Variants in CNTNAP3B observed in about 807,000 individuals in gnomAD.
CNTNAP3B encodes the protein contactin-associated protein-like 3B.
In CNTNAP3B, 25 loss-of-function variants were observed where a neutral mutation model predicts 108.9. That is an observed-to-expected ratio of 0.23 (90% CI 0.17 to 0.32). The LOEUF (loss-of-function observed/expected upper bound fraction) is 0.32, where lower values mean the gene tolerates loss of function less well. CNTNAP3B is among the 10% of genes least tolerant of loss of function. The pLI is 1.00. For missense variants in CNTNAP3B, 252 were observed against 1,210.4 expected (o/e 0.21, Z 11.75); for synonymous variants, 103 against 473.4 (o/e 0.22, Z 10.16).
intron 13 of CNTNAP3B, among the ~76,000 whole-genome samples, chr9:41,939,487 C>T (rs1264155812): frequency 6.8e-6 from 1 of 146,444 alleles, no homozygotes; most frequent in African/African-American, 2.6e-5. Flanking sequence ...CTATCACCTG[C>T]CCCTCTGCCA....
At chr9:42,079,396 T>A (rs1258759173) in intron 2 of CNTNAP3B, among the ~76,000 whole-genome samples, 1 of 133,196 alleles carries the variant, frequency 7.5e-6, no homozygotes, top group Non-Finnish European at 1.6e-5. Flanking sequence ...AAACTTTAAT[T>A]GGTGGGAGAT....
At chr9:41,966,699 G>A (rs1825287523) in intron 10 of CNTNAP3B, among the ~76,000 whole-genome samples, 1 of 152,250 alleles carries the variant, frequency 6.6e-6, no homozygotes, top group Non-Finnish European at 1.5e-5. Context: ...TGGGTGTGGT[G>A]GCTCACGCCT....
intron 10 of CNTNAP3B, among the ~76,000 whole-genome samples, chr9:41,966,743 G>A (rs1272572930): frequency 6.6e-6 from 1 of 152,184 alleles, no homozygotes; most frequent in South Asian, 2.1e-4. Flanking sequence ...TGACGCGGGT[G>A]GATCACGAGG....
intron 14 of CNTNAP3B, among the ~76,000 whole-genome samples, chr9:41,936,202 G>A (rs1208944698): frequency 7.2e-5 from 11 of 152,398 alleles, no homozygotes; most frequent in Non-Finnish European, 1.2e-4. Context: ...GCTTGAATCC[G>A]GGAGGCGCAG....
intron 9 of CNTNAP3B, among the ~76,000 whole-genome samples, chr9:41,977,454 T>A (rs1251293156): frequency 7.1e-6 from 1 of 140,342 alleles, no homozygotes. Context: ...GAGGCACATA[T>A]GCACACCTCG....
chr9:41,933,020 T>C (rs928575805), intron 14 of CNTNAP3B, among the ~76,000 whole-genome samples: 1 of 152,310 alleles, frequency 6.6e-6, no homozygotes, highest in Non-Finnish European at 1.5e-5. Context: ...TTATTTTTCA[T>C]CTTAAAAATT....
intron 15 of CNTNAP3B, among the ~76,000 whole-genome samples, chr9:41,927,433 GAA>G (rs1214913742): frequency 8.5e-5 from 12 of 141,136 alleles, no homozygotes; most frequent in Admixed American, 1.4e-4. Flanking sequence ...AGAAAGAAAA[GAA>G]AGAGAGAGAA....
intron 1 of CNTNAP3B, among the ~76,000 whole-genome samples, chr9:42,128,187 T>A (rs2118766242): frequency 7.1e-6 from 1 of 140,230 alleles, no homozygotes; most frequent in African/African-American, 2.8e-5. Context: ...GTAAACATTT[T>A]TATGTGTGAT....
intron 3 of CNTNAP3B, among the ~76,000 whole-genome samples, chr9:42,018,691 C>T (rs1432632299): frequency 6.6e-6 from 1 of 151,720 alleles, no homozygotes. Flanking sequence ...AAGACTTCAG[C>T]TCAGTTTTGG....
chr9:42,089,410 T>C (rs1827771551), intron 2 of CNTNAP3B, among the ~76,000 whole-genome samples: 1 of 130,336 alleles, frequency 7.7e-6, no homozygotes, highest in Non-Finnish European at 1.6e-5. Flanking sequence ...TTTTGGGATA[T>C]TGCACTGTGC....
At chr9:41,943,338 G>C (rs1292897469) in intron 13 of CNTNAP3B, among the ~76,000 whole-genome samples, 546 of 147,802 alleles carry the variant, frequency 3.7e-3, no homozygotes, top group African/African-American at 0.013. Context: ...CAAACTGTTG[G>C]ACAATAATTT....
At chr9:41,934,120 T>TATATATATATATATATATAC (rs1824072160) in intron 14 of CNTNAP3B, among the ~76,000 whole-genome samples, 1 of 120,438 alleles carries the variant, frequency 8.3e-6, no homozygotes, top group African/African-American at 3.6e-5. Flanking sequence ...TATATATATA[T>TATATATATATATATATATAC]ATACACACAC....
chr9:41,982,021 G>A (rs1473798371), intron 9 of CNTNAP3B, among the ~76,000 whole-genome samples: 4 of 77,442 alleles, frequency 5.2e-5, no homozygotes, highest in South Asian at 1.0e-3. Context: ...TCGTGTCATT[G>A]CACTCCAGCC....
At chr9:42,097,648 A>G (rs1827935277) in intron 2 of CNTNAP3B, among the ~76,000 whole-genome samples, 1 of 138,286 alleles carries the variant, frequency 7.2e-6, no homozygotes, top group Admixed American at 7.2e-5. Context: ...ATATTAGCTG[A>G]ATTGTAATTG....
intron 11 of CNTNAP3B, 115 bp from the exon 12 acceptor site, chr9:41,961,007 T>A (rs865801036): frequency 6.6e-7 from 1 of 1,507,572 alleles, no homozygotes; most frequent in African/African-American, 1.4e-5. Flanking sequence ...CCCAACATCA[T>A]TTTTATAGTG....
At chr9:42,026,513 G>C (rs1587209233) in intron 3 of CNTNAP3B, among the ~76,000 whole-genome samples, 1 of 95,568 alleles carries the variant, frequency 1.0e-5, no homozygotes, top group South Asian at 3.2e-4. Flanking sequence ...CATGAAGCTG[G>C]GAGGCGGAGC....
At position 42,110,546 on chromosome 9, in the gene CNTNAP3B, GA is replaced by G. The variant is rs1234986190; in HGVS notation, c.86-5808del. Among the ~76,000 whole-genome samples, 129 of 126,428 alleles carry G rather than the reference GA, an allele frequency of 1.0e-3. 21 individuals are homozygous for G. The highest frequency in any genetic ancestry group is 3.3e-3 in the African/African-American group (105 of 31,712). The allele number at this position is 126,428 out of a possible 152,430, so 82.9% of individuals were successfully genotyped here. A position where few individuals can be genotyped will look rare whatever the true frequency, so the allele number is the denominator to read the frequency against. On this transcript the variant is annotated intron_variant, in intron 1 of 23. Coordinates refer to ENST00000377561, the MANE Select transcript of CNTNAP3B (RefSeq NM_001201380.3). ...CTCTTTGTTCTAAAAAAAAAAAAAA[GA>G]AAAAAAAAGATTCCTGTCCTTTCTC... is the stretch of plus-strand genomic sequence containing the variant.
rs1174356067 is a variant in CNTNAP3B, at chr9:41,936,343, C to T, written c.2237+1901G>A. On this transcript the variant is annotated intron_variant, in intron 14 of 23. Coordinates refer to ENST00000377561, the MANE Select transcript of CNTNAP3B (RefSeq NM_001201380.3). ...AGTTATAAAGCCACTAGCATATATG[C>T]CATTCTGGCTTTCTTGTAATAACCT... Among the ~76,000 whole-genome samples, 5 of 151,668 alleles carry T rather than the reference C, an allele frequency of 3.3e-5. No homozygotes were observed. In the East Asian group the frequency reaches 9.7e-4, roughly 29 times the overall value.
chr9:41,954,963 G>A (rs1824810803), intron 12 of CNTNAP3B, among the ~76,000 whole-genome samples: 1 of 151,870 alleles, frequency 6.6e-6, no homozygotes, highest in Non-Finnish European at 1.5e-5. Flanking sequence ...TGGGATTACA[G>A]GTGTGAGCCA....
Sources: allele counts gnomAD v4.1 joint callset (sites outside exome capture counted in the v4.1 genomes callset), GRCh38; gene constraint gnomAD v4.1.1; transcripts MANE v1.5; gene names NCBI Gene and HGNC (gene_info 2026-07-23, HGNC 2026-07-21).